UNC80: variants seen among roughly 807,000 people sequenced by gnomAD.
UNC80 encodes the protein protein unc-80 homolog.
Under a neutral mutation model 384.6 loss-of-function variants are expected in UNC80, and 164 were observed. The ratio of observed to expected loss-of-function variants is 0.43; its 90% CI spans 0.38 to 0.49. UNC80 has a LOEUF of 0.49. UNC80 is among the 20% of genes least tolerant of loss of function. The pLI is 0.00. For missense variants in UNC80, 3,330 were observed against 4,143.0 expected (o/e 0.80, Z 5.39); for synonymous variants, 1,486 against 1,527.8 (o/e 0.97, Z 0.64).
At chr2:209,957,462 A>C (rs1025912726) in intron 48 of UNC80, among the ~76,000 whole-genome samples, 182 bp from the exon 49 acceptor site, 1 of 152,240 alleles carries the variant, frequency 6.6e-6, no homozygotes, top group Non-Finnish European at 1.5e-5. Context: ...CCTGGGAATC[A>C]ATGTTCTTTT....
intron 61 of UNC80, among the ~76,000 whole-genome samples, chr2:209,987,248 G>T (rs2093307886): frequency 6.6e-6 from 1 of 152,176 alleles, no homozygotes; most frequent in South Asian, 2.1e-4. Context: ...AAGATAACCT[G>T]ATGAATAGGT....
At chr2:209,858,357 A>G (rs983881916) in intron 22 of UNC80, among the ~76,000 whole-genome samples, 1 of 152,118 alleles carries the variant, frequency 6.6e-6, no homozygotes, top group Admixed American at 6.6e-5. Context: ...TCTTTTTGCC[A>G]ATCCTTTACT....
chr2:209,991,426 T>G (rs1461671922), intron 61 of UNC80, among the ~76,000 whole-genome samples: 3 of 152,150 alleles, frequency 2.0e-5, no homozygotes, highest in African/African-American at 4.8e-5. Context: ...TAGCAACTAT[T>G]TCCAGTCATT....
At chr2:209,788,578 AAT>A (rs1464125407) in intron 5 of UNC80, among the ~76,000 whole-genome samples, 6 of 147,688 alleles carry the variant, frequency 4.1e-5, no homozygotes, top group African/African-American at 1.5e-4. Flanking sequence ...AAAAGTATAA[AAT>A]ATAAAAAATA....
At chr2:209,913,543 A>G (rs2089192129) in intron 30 of UNC80, among the ~76,000 whole-genome samples, 1 of 152,186 alleles carries the variant, frequency 6.6e-6, no homozygotes, top group Non-Finnish European at 1.5e-5. Context: ...CTCAATATAT[A>G]GTTTACTCCT....
intron 24 of UNC80, among the ~76,000 whole-genome samples, chr2:209,880,458 C>T (rs1049910145): frequency 6.6e-6 from 1 of 152,146 alleles, no homozygotes; most frequent in Non-Finnish European, 1.5e-5. Flanking sequence ...AACTTCACTG[C>T]CCTCAAAACA....
intron 44 of UNC80, among the ~76,000 whole-genome samples, chr2:209,942,784 G>A (rs2091710949): frequency 6.6e-6 from 1 of 151,462 alleles, no homozygotes; most frequent in Non-Finnish European, 1.5e-5. Flanking sequence ...TTAAAGAAAA[G>A]ATAAGGCTCA....
chr2:209,923,278 GCAATTTGTCTAATCCAAGGTCA>G (rs1013410386), intron 35 of UNC80, among the ~76,000 whole-genome samples: 12 of 152,050 alleles, frequency 7.9e-5, no homozygotes, highest in African/African-American at 1.4e-4. Flanking sequence ...ATCCAAGGTC[GCAATTTGTCTAATCCAAGGTCA>G]CAATTTGTCT....
intron 20 of UNC80, among the ~76,000 whole-genome samples, chr2:209,841,705 A>G (rs559461580): frequency 1.3e-5 from 2 of 152,268 alleles, no homozygotes; most frequent in South Asian, 4.1e-4. Context: ...AAATTACACA[A>G]ATAATATGCA....
At position 209,839,153 on chromosome 2, in the gene UNC80, A is replaced by G. The variant is rs1053699438; in HGVS notation, c.3042-69A>G. 4.3e-6 allele frequency: 6 copies of G among 1,394,146 alleles called. No homozygotes were observed. The highest frequency in any genetic ancestry group is 3.9e-6 in the Non-Finnish European group (4 of 1,017,760). 86.4% of individuals were successfully genotyped at this position (1,394,146 alleles called of 1,614,324 possible). A position where few individuals can be genotyped will look rare whatever the true frequency, so the allele number is the denominator to read the frequency against. ...TTGCCTAAATATCATTGACAGGAAG[A>G]TGAAAGAAATTTAGGAGAATTTCTC... On this transcript the variant is annotated intron_variant, in intron 18 of 64. Coordinates refer to ENST00000673920, the MANE Select transcript of UNC80 (RefSeq NM_001371986.1). The surrounding 1 kb of genome is among the most constrained non-coding windows in gnomAD (Gnocchi z 4.1).
At chr2:209,846,895 T>C (rs959761624) in intron 21 of UNC80, among the ~76,000 whole-genome samples, 5 of 152,130 alleles carry the variant, frequency 3.3e-5, no homozygotes, top group Non-Finnish European at 5.9e-5. Context: ...CAGTGTATCA[T>C]TAAAAATACA....
chr2:209,950,463 C>T (rs566629016), intron 47 of UNC80, among the ~76,000 whole-genome samples: 6 of 151,336 alleles, frequency 4.0e-5, no homozygotes, highest in East Asian at 1.9e-4. Flanking sequence ...TTTCCCTTTA[C>T]GAATAACCAG....
intron 22 of UNC80, among the ~76,000 whole-genome samples, chr2:209,868,143 A>G (rs1407371664): frequency 1.3e-5 from 2 of 152,218 alleles, no homozygotes; most frequent in Non-Finnish European, 2.9e-5. Flanking sequence ...AGAATTCAAT[A>G]CAGCTAAGTA....
chr2:209,809,653 G>T, intron 7 of UNC80: 1 of 602,756 alleles, frequency 1.7e-6, no homozygotes, highest in Admixed American at 3.0e-5. Context: ...CCAAGCTCCA[G>T]AAGGAAGGAG....
At chr2:209,953,284 A>G (rs898221902) in intron 47 of UNC80, among the ~76,000 whole-genome samples, 1 of 151,800 alleles carries the variant, frequency 6.6e-6, no homozygotes, top group African/African-American at 2.4e-5. Context: ...CGGGCATTGT[A>G]GTGAATGCCT....
At chr2:209,818,325 C>T (rs1258907536) in intron 11 of UNC80, among the ~76,000 whole-genome samples, 1 of 149,160 alleles carries the variant, frequency 6.7e-6, no homozygotes, top group Non-Finnish European at 1.5e-5. Context: ...CACTGCCTTC[C>T]AAGGCCACCA....
intron 41 of UNC80, among the ~76,000 whole-genome samples, chr2:209,937,307 A>G (rs2091317394): frequency 6.6e-6 from 1 of 152,180 alleles, no homozygotes. Context: ...CTACCATGTT[A>G]AACAAGACCA....
intron 22 of UNC80, among the ~76,000 whole-genome samples, chr2:209,855,840 G>T (rs2082872341): frequency 6.6e-6 from 1 of 152,052 alleles, no homozygotes; most frequent in Non-Finnish European, 1.5e-5. Flanking sequence ...GTTTACTCAT[G>T]AATGGTATTC....
At position 209,819,053 on chromosome 2, in the gene UNC80, A is replaced by G. The variant is rs1048032721; in HGVS notation, c.1754A>G (p.Asn585Ser). The change falls in exon 12 of 65, where the codon AAC (asparagine) becomes AGC (serine). Residue 585 changes from asparagine to serine, a missense_variant. Physicochemically the swap from Asn to Ser is conservative, Grantham distance 46. Coordinates refer to ENST00000673920, the MANE Select transcript of UNC80 (RefSeq NM_001371986.1). ...ATFNTTLASF[N>S]VGYADFFNEH... ...TTCAATACCACTTTGGCGTCATTCA[A>G]CGTAGGCTATGCAGACTTTTTCAAT... is the stretch of plus-strand genomic sequence containing the variant. 7.1e-6 allele frequency: 11 copies of G among 1,551,890 alleles called. No individual in the cohort carries two copies. The highest frequency in any genetic ancestry group is 4.4e-6 in the Non-Finnish European group (5 of 1,147,042).
Sources: allele counts gnomAD v4.1 joint callset (sites outside exome capture counted in the v4.1 genomes callset), GRCh38; gene constraint gnomAD v4.1.1; non-coding constraint Gnocchi (gnomAD v3.1); transcripts MANE v1.5; gene names NCBI Gene and HGNC (gene_info 2026-07-23, HGNC 2026-07-21).